MAD1L1: variants seen among roughly 807,000 people sequenced by gnomAD.
The protein encoded by MAD1L1 is mitotic arrest deficient 1 like 1.
A neutral mutation model predicts 96.9 loss-of-function variants in MAD1L1; 95 were observed. That is an observed-to-expected ratio of 0.98 (90% CI 0.83 to 1.16). MAD1L1 has a LOEUF of 1.16. MAD1L1 is among the 50% of genes most tolerant of loss of function. MAD1L1 has a pLI of 0.00. For synonymous variants in MAD1L1, 473 were observed against 396.6 expected (o/e 1.19, Z -2.29); for missense variants, 1,007 against 954.4 (o/e 1.06, Z -0.73).
At chr7:1,826,471 G>GGCCCA (rs2128623522) in intron 18 of MAD1L1, among the ~76,000 whole-genome samples, 1 of 152,284 alleles carries the variant, frequency 6.6e-6, no homozygotes, top group African/African-American at 2.4e-5. Flanking sequence ...TCCAGCTCCA[G>GGCCCA]GCCCAGCCCA....
intron 15 of MAD1L1, among the ~76,000 whole-genome samples, chr7:1,964,500 C>T (rs1439020532): frequency 1.3e-5 from 2 of 152,152 alleles, no homozygotes; most frequent in Admixed American, 6.5e-5. Context: ...GCACAGAGAG[C>T]GAGAAAGAGA....
At chr7:1,970,332 T>A (rs985091126) in intron 15 of MAD1L1, among the ~76,000 whole-genome samples, 3 of 100,344 alleles carry the variant, frequency 3.0e-5, no homozygotes, top group Non-Finnish European at 5.9e-5. Context: ...TAATTTTTAC[T>A]TTTTTTTTTT....
chr7:2,179,015 A>C (rs554629225), intron 10 of MAD1L1, among the ~76,000 whole-genome samples: 1 of 152,348 alleles, frequency 6.6e-6, no homozygotes, highest in Non-Finnish European at 1.5e-5. Context: ...TAAAAATGTC[A>C]GAGTAAGAGC....
intron 15 of MAD1L1, among the ~76,000 whole-genome samples, chr7:1,967,739 C>T (rs967382076): frequency 5.3e-5 from 8 of 152,232 alleles, no homozygotes; most frequent in South Asian, 2.1e-4. Context: ...AACCCAATGA[C>T]GGGGCACAGC....
intron 18 of MAD1L1, among the ~76,000 whole-genome samples, chr7:1,839,070 C>T (rs974313019): frequency 2.6e-5 from 4 of 152,120 alleles, no homozygotes; most frequent in African/African-American, 9.7e-5. Context: ...TCGCAGATGG[C>T]CAGCTGCCTC....
chr7:1,853,662 G>A lies in MAD1L1; in HGVS notation c.1999-37434C>T, dbSNP rs554915562. 1.5e-4 allele frequency among the ~76,000 whole-genome samples: 23 copies of A among 152,230 alleles called. No homozygotes were observed. In the South Asian group the frequency reaches 4.4e-3, roughly 29 times the overall value. On this transcript the variant is annotated intron_variant, in intron 18 of 18. Coordinates refer to ENST00000265854, the MANE Select transcript of MAD1L1 (RefSeq NM_001013836.2). ...CCTGCACACCCACACGCCTCCCTCT[G>A]CACGGGGGCCCCCTGCCTCTCCCAG...
rs562745631 is a variant in MAD1L1, at chr7:2,051,245, GCCTGGGCACTGGAGGAGCCTC to G, written c.1218+17928_1218+17948del. 3.2e-3 allele frequency among the ~76,000 whole-genome samples: 491 copies of G among 152,292 alleles called. 1 individual carries two copies. Among genetic ancestry groups the G allele is most frequent in the Non-Finnish European group, 5.1e-3 (348 of 68,020 alleles). ...ACCTGTGCCAGCTGGATGATGCCTG[GCCTGGGCACTGGAGGAGCCTC>G]CCTGGGCTCCTCTCTAAGCCTCGGT... On this transcript the variant is annotated intron_variant, in intron 12 of 18. Transcript: ENST00000265854.
intron 18 of MAD1L1, among the ~76,000 whole-genome samples, chr7:1,897,046 T>C (rs1009214944): frequency 3.9e-5 from 6 of 152,248 alleles, no homozygotes; most frequent in African/African-American, 1.2e-4. Flanking sequence ...AATGGATGAC[T>C]GTGATCTGAG....
At chr7:2,227,602 G>A (rs1793969809) in intron 3 of MAD1L1, among the ~76,000 whole-genome samples, 1 of 152,218 alleles carries the variant, frequency 6.6e-6, no homozygotes, top group African/African-American at 2.4e-5. Context: ...GGAAAGCCTG[G>A]GACAGGGGAG....
chr7:2,221,038 G>C (rs776655792), intron 5 of MAD1L1: 4 of 1,610,760 alleles, frequency 2.5e-6, no homozygotes, highest in Non-Finnish European at 3.4e-6. Flanking sequence ...ACAGGAGAAG[G>C]CAGTCAAGGC....
rs60466584 is a variant in MAD1L1, at chr7:2,038,498, C to CTTTTTTTTTTTT, written c.1219-23868_1219-23857dup. ...TGTTAGGAGATAATGAAGCTGATGA[C>CTTTTTTTTTTTT]TTTTTTTTTTTTTTTTTTTTTTTTT... On this transcript the variant is annotated intron_variant, in intron 12 of 18. Coordinates refer to ENST00000265854, the MANE Select transcript of MAD1L1 (RefSeq NM_001013836.2). 1.0e-3 allele frequency among the ~76,000 whole-genome samples: 93 copies of CTTTTTTTTTTTT among 92,858 alleles called. 5 individuals carry two copies. The highest frequency in any genetic ancestry group is 6.2e-3 in the Middle Eastern group (1 of 162). 60.9% of individuals were successfully genotyped at this position (92,858 alleles called of 152,430 possible).
At chr7:2,094,922 G>T (rs921508250) in intron 11 of MAD1L1, among the ~76,000 whole-genome samples, 3 of 152,170 alleles carry the variant, frequency 2.0e-5, no homozygotes, top group African/African-American at 7.2e-5. Flanking sequence ...TGGTGATGCC[G>T]TGTTCATGGA....
chr7:2,098,271 C>T (rs780349796), intron 11 of MAD1L1, among the ~76,000 whole-genome samples: 7 of 152,244 alleles, frequency 4.6e-5, no homozygotes, highest in Non-Finnish European at 8.8e-5. Context: ...CAGTCACACA[C>T]CAGGCCTCTG....
At chr7:1,899,819 T>C (rs1036219288) in intron 17 of MAD1L1, among the ~76,000 whole-genome samples, 1 of 152,116 alleles carries the variant, frequency 6.6e-6, no homozygotes, top group Non-Finnish European at 1.5e-5. Context: ...AGGTGGACGA[T>C]GCAGTCCAGG....
intron 10 of MAD1L1, among the ~76,000 whole-genome samples, chr7:2,203,110 C>G (rs1481579016): frequency 6.6e-6 from 1 of 152,206 alleles, no homozygotes; most frequent in Non-Finnish European, 1.5e-5. Flanking sequence ...TAATGCCCAC[C>G]CGCCGGGATG....
intron 10 of MAD1L1, among the ~76,000 whole-genome samples, chr7:2,161,711 C>A (rs1467653384): frequency 6.6e-6 from 1 of 151,318 alleles, no homozygotes; most frequent in Non-Finnish European, 1.5e-5. Context: ...GCGCCTCTGC[C>A]CCGCCGCCCC....
chr7:1,987,027 G>A (rs1356154723), intron 14 of MAD1L1, among the ~76,000 whole-genome samples: 1 of 151,936 alleles, frequency 6.6e-6, no homozygotes, highest in Non-Finnish European at 1.5e-5. Context: ...CAGAGGGCCA[G>A]ACCCATGATC....
chr7:1,898,037 A>C, intron 18 of MAD1L1, 163 bp downstream of exon 18: 1 of 737,352 alleles, frequency 1.4e-6, no homozygotes, highest in Non-Finnish European at 2.3e-6. Context: ...GAGAAGCCTC[A>C]GGGGGTGACG....
chr7:1,847,410 C>T (rs1043724503), intron 18 of MAD1L1: 9 of 470,600 alleles, frequency 1.9e-5, no homozygotes, highest in South Asian at 7.7e-5. Flanking sequence ...GTGGGGGGCC[C>T]GATGTATCTA....
Sources: gnomAD v4.1 joint callset for allele counts (sites outside exome capture counted in the v4.1 genomes callset) on GRCh38, gnomAD v4.1.1 for gene constraint, MANE v1.5 for transcripts, NCBI Gene and HGNC (gene_info 2026-07-23, HGNC 2026-07-21) for gene names.